TMEM154: variants seen among roughly 807,000 people sequenced by gnomAD.
The protein encoded by TMEM154 is transmembrane protein 154.
In TMEM154, 27 loss-of-function variants were observed where a neutral mutation model predicts 24.5. The ratio of observed to expected loss-of-function variants is 1.10; its 90% CI spans 0.81 to 1.52. TMEM154 has a LOEUF of 1.52. Ranked by LOEUF, TMEM154 falls within the 40% of genes most tolerant of loss-of-function variation. The probability of loss-of-function intolerance (pLI) is 0.00; values close to 1 mark genes in which losing one functional copy is unlikely to be tolerated. For synonymous variants in TMEM154, 67 were observed against 76.8 expected, an observed-to-expected ratio of 0.87 and a Z score of 0.67; for missense variants, 228 against 213.4, an observed-to-expected ratio of 1.07 and a Z score of -0.43.
chr4:152,651,456 A>G (rs548298782), intron 3 of TMEM154, among the ~76,000 whole-genome samples: 116 of 152,320 alleles, frequency 7.6e-4, no homozygotes, highest in South Asian at 7.0e-3. Context: ...TTGCTGCTTC[A>G]TCTTGCACTG....
chr4:152,664,384 G>T (rs552778653), intron 1 of TMEM154, among the ~76,000 whole-genome samples: 1,870 of 149,320 alleles, frequency 0.013, 20 homozygotes, highest in South Asian at 0.027. Context: ...TGGCGGGGGG[G>T]TACAAGGGGA....
intron 4 of TMEM154, among the ~76,000 whole-genome samples, chr4:152,643,968 C>G (rs1752306067): frequency 6.6e-6 from 1 of 151,574 alleles, no homozygotes; most frequent in South Asian, 2.1e-4. Flanking sequence ...CCCTTCTCCT[C>G]CTCTCTCTCT....
chr4:152,640,889 C>CCCCCGG, intron 6 of TMEM154, 39 bp downstream of exon 6: 2 of 1,318,078 alleles, frequency 1.5e-6, no homozygotes, highest in Non-Finnish European at 2.2e-6. Context: ...CCCCGCCCCC[C>CCCCCGG]GCCATATACA....
At chr4:152,670,231 CGG>C (rs1419450110) in intron 1 of TMEM154, 1 of 152,148 alleles carries the variant, frequency 6.6e-6, no homozygotes, top group African/African-American at 2.4e-5. Context: ...GGAAGGCTGG[CGG>C]GGGCAGAGTG....
chr4:152,668,110 T>G (rs534978231), intron 1 of TMEM154, among the ~76,000 whole-genome samples: 1 of 152,340 alleles, frequency 6.6e-6, no homozygotes, highest in South Asian at 2.1e-4. Context: ...AGTCACTCAC[T>G]TGGGGAAGCT....
At chr4:152,642,203 G>A (rs1223693989) in intron 5 of TMEM154, among the ~76,000 whole-genome samples, 1 of 152,006 alleles carries the variant, frequency 6.6e-6, no homozygotes, top group Non-Finnish European at 1.5e-5. Flanking sequence ...ATAGGCGTGA[G>A]CCACCGTGCC....
intron 6 of TMEM154, among the ~76,000 whole-genome samples, chr4:152,639,577 T>C (rs1460403640): frequency 2.6e-5 from 4 of 151,748 alleles, no homozygotes; most frequent in Non-Finnish European, 5.9e-5. Flanking sequence ...AATCTCTCTC[T>C]CTCTCTCTCT....
Position 152,628,457 on chromosome 4 carries a change from A to G in TMEM154, c.*89T>C. The G allele has an allele frequency of 1.9e-6, 3 of 1,586,730 alleles. No homozygotes were observed. Among genetic ancestry groups the G allele is most frequent in the Non-Finnish European group, 1.7e-6 (2 of 1,161,144 alleles). On this transcript the variant is annotated 3_prime_UTR_variant, in exon 7 of 7. Coordinates refer to ENST00000304385, the MANE Select transcript of TMEM154 (RefSeq NM_152680.3). ...TGTCTATGTTGATTTGAAATTAATT[A>G]AATTTGTATCCTCTTCATCCTCTGT...
intron 6 of TMEM154, among the ~76,000 whole-genome samples, chr4:152,632,332 AC>A (rs1450472460): frequency 2.0e-5 from 3 of 152,202 alleles, no homozygotes; most frequent in African/African-American, 7.2e-5. Flanking sequence ...TAAATAATGC[AC>A]TTGCTATGAA....
At chr4:152,633,734 GCACTTGAGCCTCAAGGAC>G (rs1752094318) in intron 6 of TMEM154, among the ~76,000 whole-genome samples, 1 of 152,056 alleles carries the variant, frequency 6.6e-6, no homozygotes, top group East Asian at 1.9e-4. Flanking sequence ...GGAGGCCAGG[GCACTTGAGCCTCAAGGAC>G]CACTTGAGCC....
In TMEM154 at chr4:152,625,638, C is replaced by G. The variant is rs1013169829; in HGVS notation, c.*2908G>C. The G allele has an allele frequency of 6.8e-6, 1 of 147,100 alleles. No homozygotes were observed. Among genetic ancestry groups the G allele is most frequent in the South Asian group, 2.1e-4 (1 of 4,656 alleles). The allele number at this position is 147,100 out of a possible 1,614,324, so 9.1% of individuals were successfully genotyped here. On this transcript the variant is annotated 3_prime_UTR_variant, in exon 7 of 7. Coordinates refer to ENST00000304385, the MANE Select transcript of TMEM154 (RefSeq NM_152680.3). Reference sequence around the variant, plus strand: ...GGCGGAGGTTGCAGTGAGCCGAGATCGTGACACTGCACTCTAACCTGGGTG... The same window carrying G: ...GGCGGAGGTTGCAGTGAGCCGAGATGGTGACACTGCACTCTAACCTGGGTG...
chr4:152,656,644 G>A (rs577692953), intron 1 of TMEM154, among the ~76,000 whole-genome samples: 12 of 152,260 alleles, frequency 7.9e-5, no homozygotes, highest in East Asian at 5.8e-4. Context: ...TTCAGAGGCC[G>A]GGCGCAGTGG....
At chr4:152,645,129 T>G (rs1261202089) in intron 3 of TMEM154, among the ~76,000 whole-genome samples, 1 of 152,202 alleles carries the variant, frequency 6.6e-6, no homozygotes, top group Non-Finnish European at 1.5e-5. Context: ...TTTGATTTTT[T>G]TTTTTCTGTC....
chr4:152,660,554 G>A (rs995332069), intron 1 of TMEM154, among the ~76,000 whole-genome samples: 3 of 152,170 alleles, frequency 2.0e-5, no homozygotes, highest in Non-Finnish European at 2.9e-5. Context: ...TTAGGGCAAA[G>A]AGGTTACACA....
intron 3 of TMEM154, among the ~76,000 whole-genome samples, chr4:152,645,089 G>T (rs1156751034): frequency 1.3e-5 from 2 of 148,404 alleles, no homozygotes; most frequent in Non-Finnish European, 3.0e-5. Flanking sequence ...CATAATATTG[G>T]CCACAATTTC....
intron 6 of TMEM154, among the ~76,000 whole-genome samples, chr4:152,638,082 A>G (rs1752184429): frequency 6.6e-6 from 1 of 152,168 alleles, no homozygotes; most frequent in South Asian, 2.1e-4. Context: ...TGAGCAACAT[A>G]AGGAGACCCT....
chr4:152,670,642 G>A (rs571132511), intron 1 of TMEM154, among the ~76,000 whole-genome samples: 30 of 152,156 alleles, frequency 2.0e-4, no homozygotes, highest in African/African-American at 6.7e-4. Context: ...AAAGATTTGG[G>A]ATAGTTAGCT....
At chr4:152,647,295 C>T in intron 3 of TMEM154, 1 of 985,328 alleles carries the variant, frequency 1.0e-6, no homozygotes, top group Non-Finnish European at 1.2e-6. Context: ...AAGCAAAACG[C>T]TGGTATGACC....
intron 3 of TMEM154, 120 bp downstream of exon 3, chr4:152,652,418 T>C (rs979039148): frequency 6.2e-6 from 9 of 1,440,152 alleles, no homozygotes; most frequent in Non-Finnish European, 8.3e-6. Context: ...GAAAATTTCA[T>C]TGAAATGTAT....
Sources: gnomAD v4.1 joint callset for allele counts (sites outside exome capture counted in the v4.1 genomes callset) on GRCh38, gnomAD v4.1.1 for gene constraint, MANE v1.5 for transcripts, NCBI Gene and HGNC (gene_info 2026-07-23, HGNC 2026-07-21) for gene names.